USP49: variants seen among roughly 807,000 people sequenced by gnomAD.
The protein encoded by USP49 is ubiquitin carboxyl-terminal hydrolase 49.
Under a neutral mutation model 58.6 loss-of-function variants are expected in USP49, and 24 were observed. That is an observed-to-expected ratio of 0.41 (90% CI 0.30 to 0.58). USP49 has a LOEUF of 0.58. Ranked by LOEUF, USP49 falls within the 20% of genes least tolerant of loss-of-function variation. USP49 has a pLI of 0.30. For missense variants in USP49, 703 were observed against 866.1 expected (o/e 0.81, Z 2.36); for synonymous variants, 408 against 365.1 (o/e 1.12, Z -1.34).
chr6:41,798,469 T>A lies in USP49; in HGVS notation c.1876+255A>T, dbSNP rs1031189494. 7.0e-6 allele frequency: 7 copies of A among 997,778 alleles called. No homozygotes were observed. In the African/African-American group the frequency reaches 1.2e-4, roughly 16 times the overall value. 61.8% of individuals were successfully genotyped at this position (997,778 alleles called of 1,614,324 possible). ...TTGTACTATTTTAGTAGAGACGGGG[T>A]TTAACCATGTTGGCCAGGCTGGTCT... On this transcript the variant is annotated intron_variant, in intron 7 of 7. Transcript: ENST00000682992.
intron 3 of USP49, among the ~76,000 whole-genome samples, chr6:41,840,760 T>A (rs1773811384): frequency 6.6e-6 from 1 of 152,210 alleles, no homozygotes; most frequent in Non-Finnish European, 1.5e-5. Context: ...CCTATTTTTC[T>A]TCAGTTAATT....
intron 7 of USP49, among the ~76,000 whole-genome samples, chr6:41,797,302 A>G (rs1772904074): frequency 6.6e-6 from 1 of 152,062 alleles, no homozygotes; most frequent in Admixed American, 6.6e-5. Context: ...AGGCTTTTTC[A>G]TTGTCCACTA....
chr6:41,849,161 G>A (rs944574855), intron 3 of USP49, among the ~76,000 whole-genome samples: 3 of 152,032 alleles, frequency 2.0e-5, no homozygotes, highest in Non-Finnish European at 2.9e-5. Context: ...AGCAGGAGTG[G>A]CTATATTAAT....
chr6:41,817,459 T>C (rs1773376763), intron 3 of USP49, among the ~76,000 whole-genome samples: 13 of 328 alleles, frequency 0.04, 1 homozygote, highest in Admixed American at 0.24. Context: ...CTTTCTTTCT[T>C]TTTTTTTTTT....
At chr6:41,823,536 G>C (rs1773486292) in intron 3 of USP49, among the ~76,000 whole-genome samples, 1 of 152,164 alleles carries the variant, frequency 6.6e-6, no homozygotes, top group African/African-American at 2.4e-5. Context: ...GCAAAATGCA[G>C]GCTATGAAGA....
chr6:41,817,582 C>A (rs968680940), intron 3 of USP49, among the ~76,000 whole-genome samples: 34 of 151,900 alleles, frequency 2.2e-4, no homozygotes, highest in African/African-American at 8.0e-4. Flanking sequence ...GCCTCAGCCT[C>A]CCGAGTAGCT....
At chr6:41,849,104 T>C (rs1175828012) in intron 3 of USP49, among the ~76,000 whole-genome samples, 1 of 152,116 alleles carries the variant, frequency 6.6e-6, no homozygotes, top group Non-Finnish European at 1.5e-5. Flanking sequence ...ACACATAGAT[T>C]GAAAAGTCTG....
intron 3 of USP49, among the ~76,000 whole-genome samples, chr6:41,839,557 A>T (rs1773786697): frequency 7.1e-6 from 1 of 141,252 alleles, no homozygotes; most frequent in Non-Finnish European, 1.6e-5. Context: ...CCTAAAATAA[A>T]TTGAAACAAA....
chr6:41,884,158 G>A (rs1352098323), intron 2 of USP49, among the ~76,000 whole-genome samples: 1 of 152,018 alleles, frequency 6.6e-6, no homozygotes, highest in Non-Finnish European at 1.5e-5. Flanking sequence ...CGAATAGCTG[G>A]GACCACAGGT....
At chr6:41,818,712 T>C (rs1773401782) in intron 3 of USP49, among the ~76,000 whole-genome samples, 1 of 152,188 alleles carries the variant, frequency 6.6e-6, no homozygotes, top group African/African-American at 2.4e-5. Flanking sequence ...AACACATGAA[T>C]GTTCCAACCA....
At position 41,796,488 on chromosome 6, in the gene USP49, T is replaced by C; in HGVS notation, c.*45A>G. ...TATTTCCTATAAGAGGAAAGATGTA[T>C]GGACACCAATACACAAAAGCCAGTC... On this transcript the variant is annotated 3_prime_UTR_variant, in exon 8 of 8. Coordinates refer to ENST00000682992, the MANE Select transcript of USP49 (RefSeq NM_001286554.2). The C allele has an allele frequency of 1.4e-6, 1 of 708,294 alleles. No homozygotes were observed. The highest frequency in any genetic ancestry group is 2.6e-6 in the Non-Finnish European group (1 of 380,474). 43.9% of individuals were successfully genotyped at this position (708,294 alleles called of 1,614,324 possible).
At chr6:41,809,064 C>A (rs1256125190) in intron 3 of USP49, among the ~76,000 whole-genome samples, 1 of 152,044 alleles carries the variant, frequency 6.6e-6, no homozygotes, top group African/African-American at 2.4e-5. Context: ...TAGGTGCATG[C>A]CACTATGCCC....
At chr6:41,828,001 AT>A (rs1216269628) in intron 3 of USP49, among the ~76,000 whole-genome samples, 1 of 152,196 alleles carries the variant, frequency 6.6e-6, no homozygotes, top group African/African-American at 2.4e-5. Context: ...AGAATTTAAA[AT>A]TTTTTAAATT....
At chr6:41,841,184 T>A (rs917548143) in intron 3 of USP49, among the ~76,000 whole-genome samples, 17 of 152,176 alleles carry the variant, frequency 1.1e-4, no homozygotes, top group Non-Finnish European at 2.5e-4. Flanking sequence ...CCTTCTCACC[T>A]TTGTTCATAC....
Position 41,799,815 on chromosome 6 carries a change from C to T in USP49, c.1670+15G>A, listed in dbSNP as rs1018272444. 5 of 1,610,156 alleles carry T rather than the reference C, an allele frequency of 3.1e-6. No individual in the cohort carries two copies. In the South Asian group the frequency reaches 5.5e-5, roughly 18 times the overall value. Reference sequence around the variant, plus strand: ...CACAGCTCTCACCCAGCTGGGACTCCCACAGCAAGCTCACCTGAATCTTTT... The same window carrying T: ...CACAGCTCTCACCCAGCTGGGACTCTCACAGCAAGCTCACCTGAATCTTTT... On this transcript the variant is annotated intron_variant, in intron 6 of 7. Transcript: ENST00000682992.
At position 41,806,599 on chromosome 6, in the gene USP49, G is replaced by A; in HGVS notation, c.385C>T (p.Pro129Ser). The change falls in exon 4 of 8, where the codon CCG (proline) becomes TCG (serine). Residue 129 changes from proline (P) to serine (S), a missense_variant. Pro to Ser is a moderately conservative substitution (Grantham distance 74, BLOSUM62 -1). This residue lies in a region of USP49 where 376 missense variants were observed against 373.5 expected (regional missense o/e 1.01). Coordinates refer to ENST00000682992, the MANE Select transcript of USP49 (RefSeq NM_001286554.2). The surrounding 1 kb of genome is among the most constrained non-coding windows in gnomAD (Gnocchi z 5.9). Reference sequence around the variant, plus strand: ...GGCTGTCCCTGAGGAGCGCGCTGCGGCAGGACCACGTCCTCACCCGAAGCC... The same window carrying A: ...GGCTGTCCCTGAGGAGCGCGCTGCGACAGGACCACGTCCTCACCCGAAGCC... ...SMASGEDVVL[P>S]QRAPQGQPQM... 1 of 1,607,284 alleles carries A rather than the reference G, an allele frequency of 6.2e-7. No homozygotes were observed. The highest frequency in any genetic ancestry group is 2.2e-5 in the East Asian group (1 of 44,810).
Position 41,791,306 on chromosome 6 carries a change from A to T in USP49, c.*5227T>A, listed in dbSNP as rs1772794014. 6.6e-6 allele frequency: 1 copy of T among 152,146 alleles called. No individual in the cohort carries two copies. The highest frequency in any genetic ancestry group is 1.5e-5 in the Non-Finnish European group (1 of 68,028). The allele number at this position is 152,146 out of a possible 1,614,324, so 9.4% of individuals were successfully genotyped here. A position where few individuals can be genotyped will look rare whatever the true frequency, so the allele number is the denominator to read the frequency against. ...TTTATACATTTTTGAAAAGATTTCA[A>T]ATCTATGTTTCCCAGGCTGGTCTTG... On this transcript the variant is annotated 3_prime_UTR_variant, in exon 8 of 8. Coordinates refer to ENST00000682992, the MANE Select transcript of USP49 (RefSeq NM_001286554.2).
intron 1 of USP49, among the ~76,000 whole-genome samples, chr6:41,893,426 G>A (rs1240518042): frequency 6.6e-6 from 1 of 152,114 alleles, no homozygotes; most frequent in Non-Finnish European, 1.5e-5. Flanking sequence ...GCAGAAATCT[G>A]GTTGATTAAT....
chr6:41,874,317 T>C (rs1774464378), intron 2 of USP49: 1 of 152,230 alleles, frequency 6.6e-6, no homozygotes, highest in Non-Finnish European at 1.5e-5. Context: ...CAACAAAGGT[T>C]TAATTTCCTT....
Sources: gnomAD v4.1 joint callset for allele counts (sites outside exome capture counted in the v4.1 genomes callset) on GRCh38, gnomAD v4.1.1 for gene constraint, gnomAD v4.1.1 regional missense constraint, Gnocchi (gnomAD v3.1) non-coding constraint, MANE v1.5 for transcripts, NCBI Gene and HGNC (gene_info 2026-07-23, HGNC 2026-07-21) for gene names.